Variants in CSMD1 observed in about 807,000 individuals in gnomAD.
The protein encoded by CSMD1 is CUB and Sushi multiple domains 1.
CSMD1 carries 213 observed loss-of-function variants against 417.5 expected under a neutral mutation model. The observed-to-expected ratio is 0.51, with a 90% confidence interval of 0.46 to 0.57. The LOEUF (loss-of-function observed/expected upper bound fraction) is 0.57, where lower values mean the gene tolerates loss of function less well. CSMD1 is among the 20% of genes least tolerant of loss of function. The probability of loss-of-function intolerance (pLI) is 0.00; values close to 1 mark genes in which losing one functional copy is unlikely to be tolerated. For missense variants in CSMD1, 6,923 were observed against 4,529.7 expected (o/e 1.53, Z -15.17); for synonymous variants, 2,862 against 1,736.8 (o/e 1.65, Z -16.11).
At chr8:4,807,498 G>C (rs1331520515) in intron 1 of CSMD1, among the ~76,000 whole-genome samples, 1 of 152,128 alleles carries the variant, frequency 6.6e-6, no homozygotes, top group Non-Finnish European at 1.5e-5. Flanking sequence ...AGCCCATCCT[G>C]AATCACCTAA....
intron 5 of CSMD1, among the ~76,000 whole-genome samples, chr8:3,802,185 C>T (rs1480959425): frequency 6.6e-6 from 1 of 152,022 alleles, no homozygotes; most frequent in East Asian, 1.9e-4. Context: ...TAAAGAAAGA[C>T]ATTAAAGAAG....
At chr8:4,127,821 A>G (rs1182643603) in intron 3 of CSMD1, among the ~76,000 whole-genome samples, 1 of 152,172 alleles carries the variant, frequency 6.6e-6, no homozygotes, top group Non-Finnish European at 1.5e-5. Flanking sequence ...ATCATTATTT[A>G]TCATTCTTAT....
intron 5 of CSMD1, among the ~76,000 whole-genome samples, chr8:3,995,250 A>C (rs376871445): frequency 6.6e-6 from 1 of 152,190 alleles, no homozygotes; most frequent in Non-Finnish European, 1.5e-5. Flanking sequence ...TAGGAGAACC[A>C]TCTTTTGCTT....
intron 3 of CSMD1, among the ~76,000 whole-genome samples, chr8:4,158,300 G>C (rs374109811): frequency 6.6e-6 from 1 of 151,950 alleles, no homozygotes; most frequent in African/African-American, 2.4e-5. Context: ...TACATGTCAA[G>C]CCCTTGGAGG....
chr8:4,603,531 T>C (rs1800705052), intron 2 of CSMD1, among the ~76,000 whole-genome samples: 1 of 152,000 alleles, frequency 6.6e-6, no homozygotes, highest in African/African-American at 2.4e-5. Flanking sequence ...GTGGGTAAAA[T>C]AAAAGGAAAG....
intron 25 of CSMD1, among the ~76,000 whole-genome samples, chr8:3,286,441 C>G (rs1311509229): frequency 6.6e-6 from 1 of 152,156 alleles, no homozygotes; most frequent in East Asian, 1.9e-4. Flanking sequence ...ACAGTCCCAC[C>G]AAGAGTGTGA....
At chr8:4,523,694 G>A (rs569090611) in intron 2 of CSMD1, among the ~76,000 whole-genome samples, 1 of 152,270 alleles carries the variant, frequency 6.6e-6, no homozygotes, top group African/African-American at 2.4e-5. Flanking sequence ...CTTATGAAAT[G>A]ATCTGCTGAC....
At chr8:4,369,824 G>A (rs760339459) in intron 3 of CSMD1, among the ~76,000 whole-genome samples, 3 of 152,168 alleles carry the variant, frequency 2.0e-5, no homozygotes, top group South Asian at 4.1e-4. Flanking sequence ...GACTATGGGT[G>A]TTGTTACTTG....
At chr8:2,996,841 G>A (rs920332872) in intron 54 of CSMD1, among the ~76,000 whole-genome samples, 28 of 152,188 alleles carry the variant, frequency 1.8e-4, no homozygotes, top group African/African-American at 6.5e-4. Context: ...CAAATACAAT[G>A]AAAGAAGAAG....
At chr8:4,876,305 T>C (rs1803040392) in intron 1 of CSMD1, among the ~76,000 whole-genome samples, 1 of 151,824 alleles carries the variant, frequency 6.6e-6, no homozygotes, top group South Asian at 2.1e-4. Context: ...TAAAGGAGAG[T>C]GGTATTCATG....
chr8:3,434,747 A>G lies in CSMD1; in HGVS notation c.1562-25142T>C, dbSNP rs1329600162. Among the ~76,000 whole-genome samples, 3 of 152,220 alleles carry G rather than the reference A, an allele frequency of 2.0e-5. No homozygotes were observed. The South Asian group carries it at 6.2e-4, about 31-fold the overall frequency. ...AATCACTAATTTAACATCCGCAGATAGCTTGTCTGCTCCCATCTTGTATTC... is the reference window on the plus strand; with the variant it reads ...AATCACTAATTTAACATCCGCAGATGGCTTGTCTGCTCCCATCTTGTATTC... On this transcript the variant is annotated intron_variant, in intron 12 of 69. Coordinates refer to ENST00000635120, the MANE Select transcript of CSMD1 (RefSeq NM_033225.6).
rs145395123 is a variant in CSMD1, at chr8:4,892,492, T to C, written c.85+101840A>G. 9.5e-4 allele frequency among the ~76,000 whole-genome samples: 144 copies of C among 152,248 alleles called. 1 individual carries two copies. Among genetic ancestry groups the C allele is most frequent in the African/African-American group, 3.2e-3 (133 of 41,508 alleles). On this transcript the variant is annotated intron_variant, in intron 1 of 69. Transcript: ENST00000635120. The stretch of plus-strand genomic sequence containing the variant: ...ATCACGTTTTACTAACTGAAAAATA[T>C]AGTAAATATTTGCAAAGACACCTGG...
chr8:4,007,809 C>A, intron 4 of CSMD1, among the ~76,000 whole-genome samples: 1 of 151,912 alleles, frequency 6.6e-6, no homozygotes, highest in Admixed American at 6.6e-5. Flanking sequence ...ATTTAGGGGG[C>A]TATGCACGGA....
chr8:4,807,456 C>G (rs991666071), intron 1 of CSMD1, among the ~76,000 whole-genome samples: 2 of 152,136 alleles, frequency 1.3e-5, no homozygotes, highest in Admixed American at 6.5e-5. Context: ...CACACTTGAG[C>G]TGAAACCTTG....
Position 4,523,574 on chromosome 8 carries a change from G to A in CSMD1, c.303-103509C>T, listed in dbSNP as rs563568418. 2.6e-5 allele frequency among the ~76,000 whole-genome samples: 4 copies of A among 152,154 alleles called. No homozygotes were observed. The South Asian group carries it at 8.3e-4, about 32-fold the overall frequency. On this transcript the variant is annotated intron_variant, in intron 2 of 69. Transcript: ENST00000635120. ...GCAGACAGAATATGCAATTGTGGTT[G>A]CCTCAAATAACAGAATATTAGTGTG... is the stretch of plus-strand genomic sequence containing the variant.
chr8:3,382,678 T>A (rs996863851), intron 18 of CSMD1, among the ~76,000 whole-genome samples: 1 of 150,156 alleles, frequency 6.7e-6, no homozygotes, highest in Non-Finnish European at 1.5e-5. Context: ...GCATAGCTCA[T>A]TTTCTCATAG....
intron 3 of CSMD1, among the ~76,000 whole-genome samples, chr8:4,084,643 G>A (rs983231441): frequency 6.6e-6 from 1 of 152,130 alleles, no homozygotes; most frequent in African/African-American, 2.4e-5. Flanking sequence ...CCTCTTTAGT[G>A]ATGGCACAAC....
chr8:4,433,991 T>C (rs1025152823), intron 2 of CSMD1, among the ~76,000 whole-genome samples: 1 of 152,134 alleles, frequency 6.6e-6, no homozygotes, highest in African/African-American at 2.4e-5. Flanking sequence ...CTCTTCAGCC[T>C]CAAGATTAAC....
chr8:3,367,467 A>G (rs1186859402), intron 19 of CSMD1, among the ~76,000 whole-genome samples: 1 of 152,004 alleles, frequency 6.6e-6, no homozygotes, highest in Non-Finnish European at 1.5e-5. Flanking sequence ...TGGAGAGGAG[A>G]GAGAGAAAAA....
Sources: gnomAD v4.1 joint callset for allele counts (sites outside exome capture counted in the v4.1 genomes callset) on GRCh38, gnomAD v4.1.1 for gene constraint, MANE v1.5 for transcripts, NCBI Gene and HGNC (gene_info 2026-07-23, HGNC 2026-07-21) for gene names.